The following ZBTB7C variants were observed in gnomAD, a reference collection of about 807,000 sequenced individuals.
ZBTB7C encodes the protein zinc finger and BTB domain containing 7C.
Under a neutral mutation model 25.7 loss-of-function variants are expected in ZBTB7C, and 8 were observed. That is an observed-to-expected ratio of 0.31 (90% CI 0.18 to 0.56). ZBTB7C has a LOEUF of 0.56. Ranked by LOEUF, ZBTB7C falls within the 20% of genes least tolerant of loss-of-function variation. The pLI is 0.91. For synonymous variants in ZBTB7C, 394 were observed against 369.0 expected (o/e 1.07, Z -0.78); for missense variants, 824 against 855.2 (o/e 0.96, Z 0.46).
chr18:48,343,700 C>A (rs900519340), intron 1 of ZBTB7C, among the ~76,000 whole-genome samples: 2 of 152,164 alleles, frequency 1.3e-5, no homozygotes, highest in East Asian at 3.9e-4. Context: ...CTGCCCACGC[C>A]CACACTCCTT....
intron 3 of ZBTB7C, among the ~76,000 whole-genome samples, chr18:48,144,384 C>T (rs1221264570): frequency 1.3e-5 from 2 of 152,042 alleles, no homozygotes; most frequent in African/African-American, 4.8e-5. Flanking sequence ...CACTTTGTCA[C>T]CCAGGCTGGA....
chr18:48,363,471 A>T (rs2047157225), intron 1 of ZBTB7C, among the ~76,000 whole-genome samples: 1 of 152,110 alleles, frequency 6.6e-6, no homozygotes, highest in African/African-American at 2.4e-5. Flanking sequence ...ACAGGAACCT[A>T]AACCAAACAA....
At chr18:48,128,936 C>T (rs917436585) in intron 3 of ZBTB7C, among the ~76,000 whole-genome samples, 1 of 152,010 alleles carries the variant, frequency 6.6e-6, no homozygotes, top group Non-Finnish European at 1.5e-5. Flanking sequence ...GAGAAGGGGA[C>T]CATGTGGTAG....
chr18:48,240,824 A>G (rs2043503461), intron 2 of ZBTB7C, among the ~76,000 whole-genome samples: 1 of 152,204 alleles, frequency 6.6e-6, no homozygotes, highest in Non-Finnish European at 1.5e-5. Context: ...AACTAGCACA[A>G]TGAATAGAGT....
intron 2 of ZBTB7C, among the ~76,000 whole-genome samples, chr18:48,209,705 T>G (rs2042658851): frequency 6.6e-6 from 1 of 151,610 alleles, no homozygotes. Flanking sequence ...GAGTAAGTCA[T>G]GAATGTGCCA....
chr18:48,217,129 G>A (rs547565897), intron 2 of ZBTB7C, among the ~76,000 whole-genome samples: 1 of 152,302 alleles, frequency 6.6e-6, no homozygotes, highest in African/African-American at 2.4e-5. Flanking sequence ...AACCAACCCT[G>A]CTGACAGCTT....
chr18:48,068,139 T>C (rs1322731447), intron 3 of ZBTB7C, among the ~76,000 whole-genome samples: 1 of 66,368 alleles, frequency 1.5e-5, no homozygotes, highest in African/African-American at 5.3e-5. Context: ...CTTGTAAGTC[T>C]TTTTTTTTTT....
rs547487094 is a variant in ZBTB7C, at chr18:48,137,360, G to A, written c.-17+48574C>T. ...AAATAAAGGCAAGGGCGGTGGAGGA[G>A]CTTTTCTTTTCCCCTCTTTTCTTCC... On this transcript the variant is annotated intron_variant, in intron 3 of 4. Coordinates refer to ENST00000590800, the MANE Select transcript of ZBTB7C (RefSeq NM_001318841.2). 3 of 981,904 alleles carry A rather than the reference G, an allele frequency of 3.1e-6. No individual in the cohort carries two copies. In the African/African-American group the frequency reaches 5.2e-5, roughly 17 times the overall value. 60.8% of individuals were successfully genotyped at this position (981,904 alleles called of 1,614,324 possible). A position where few individuals can be genotyped will look rare whatever the true frequency, so the allele number is the denominator to read the frequency against.
intron 2 of ZBTB7C, among the ~76,000 whole-genome samples, chr18:48,327,800 C>T (rs1456386129): frequency 6.7e-6 from 1 of 150,172 alleles, no homozygotes; most frequent in African/African-American, 2.5e-5. Context: ...TTACTGCTAC[C>T]ACCCAGATGT....
intron 3 of ZBTB7C, among the ~76,000 whole-genome samples, chr18:48,088,865 T>C (rs1177209234): frequency 6.6e-6 from 1 of 151,828 alleles, no homozygotes; most frequent in Non-Finnish European, 1.5e-5. Context: ...AAGGAAATTA[T>C]GGGTGTGGAC....
intron 3 of ZBTB7C, among the ~76,000 whole-genome samples, chr18:48,055,489 G>A (rs2036878951): frequency 6.6e-6 from 1 of 151,706 alleles, no homozygotes; most frequent in Admixed American, 6.6e-5. Flanking sequence ...GCAAGTCAGA[G>A]CTAGGTGTCT....
intron 1 of ZBTB7C, among the ~76,000 whole-genome samples, chr18:48,366,623 G>A (rs889869470): frequency 1.3e-5 from 2 of 152,114 alleles, no homozygotes. Context: ...ACCCAAAAGG[G>A]AAATGTAAAA....
At chr18:48,246,908 CG>C (rs1328514356) in intron 2 of ZBTB7C, among the ~76,000 whole-genome samples, 1 of 151,976 alleles carries the variant, frequency 6.6e-6, no homozygotes, top group Non-Finnish European at 1.5e-5. Context: ...CTAGACTGAG[CG>C]GACCATGAGC....
intron 2 of ZBTB7C, among the ~76,000 whole-genome samples, chr18:48,311,385 T>G (rs1040012957): frequency 6.6e-6 from 1 of 152,212 alleles, no homozygotes; most frequent in Non-Finnish European, 1.5e-5. Context: ...CTTTTCTGCC[T>G]AAGAAGAAGC....
chr18:48,277,705 C>T (rs77515147), intron 2 of ZBTB7C, among the ~76,000 whole-genome samples: 2,291 of 152,268 alleles, frequency 0.015, 124 homozygotes, highest in East Asian at 0.14. Flanking sequence ...TTCACAGTCA[C>T]GCTGGAGGCT....
At chr18:48,326,896 T>C (rs2046232828) in intron 2 of ZBTB7C, among the ~76,000 whole-genome samples, 1 of 152,226 alleles carries the variant, frequency 6.6e-6, no homozygotes, top group African/African-American at 2.4e-5. Context: ...TATTCAAAAA[T>C]TCTAATCCAA....
intron 2 of ZBTB7C, among the ~76,000 whole-genome samples, chr18:48,255,938 G>C (rs2044008798): frequency 6.6e-6 from 1 of 152,112 alleles, no homozygotes; most frequent in African/African-American, 2.4e-5. Context: ...CATAGCAAGA[G>C]AGGTTATCCA....
At chr18:48,125,113 T>C (rs1422605296) in intron 3 of ZBTB7C, among the ~76,000 whole-genome samples, 1 of 152,222 alleles carries the variant, frequency 6.6e-6, no homozygotes, top group Non-Finnish European at 1.5e-5. Flanking sequence ...GTGCTAGATA[T>C]ATCGCATAAT....
chr18:48,243,684 C>A (rs2043595348), intron 2 of ZBTB7C, among the ~76,000 whole-genome samples: 1 of 152,140 alleles, frequency 6.6e-6, no homozygotes, highest in Non-Finnish European at 1.5e-5. Flanking sequence ...ATCCAAAATT[C>A]ATATGGAACT....
Sources: allele counts gnomAD v4.1 joint callset (sites outside exome capture counted in the v4.1 genomes callset), GRCh38; gene constraint gnomAD v4.1.1; transcripts MANE v1.5; gene names NCBI Gene and HGNC (gene_info 2026-07-23, HGNC 2026-07-21).